Variants in DNAAF11 observed in about 807,000 individuals in gnomAD.
The protein encoded by DNAAF11 is leucine rich repeat containing 6.
In DNAAF11, 45 loss-of-function variants were observed where a neutral mutation model predicts 60.8. That is an observed-to-expected ratio of 0.74 (90% CI 0.58 to 0.95). The LOEUF is 0.95. Among genes scored for constraint, DNAAF11 ranks in the 40% least tolerant of loss-of-function variants. DNAAF11 has a pLI of 0.00. For missense variants in DNAAF11, 546 were observed against 546.2 expected (o/e 1.00, Z 0.00); for synonymous variants, 191 against 183.5 (o/e 1.04, Z -0.33).
chr8:132,611,802 C>T (rs947503495), intron 8 of DNAAF11, among the ~76,000 whole-genome samples: 1 of 152,128 alleles, frequency 6.6e-6, no homozygotes, highest in East Asian at 1.9e-4. Flanking sequence ...CTAATACTAT[C>T]TCTCCTGGAA....
chr8:132,652,341 C>T (rs1275715530), intron 3 of DNAAF11, among the ~76,000 whole-genome samples: 2 of 152,170 alleles, frequency 1.3e-5, no homozygotes, highest in African/African-American at 4.8e-5. Context: ...TGTAATCAGA[C>T]ACCAAATGTT....
intron 10 of DNAAF11, among the ~76,000 whole-genome samples, chr8:132,603,062 T>C (rs1817789805): frequency 6.6e-6 from 1 of 152,098 alleles, no homozygotes; most frequent in Non-Finnish European, 1.5e-5. Flanking sequence ...GCTCTGGACA[T>C]TAGTTGTTTT....
intron 5 of DNAAF11, among the ~76,000 whole-genome samples, chr8:132,627,685 C>T (rs752495907): frequency 6.6e-6 from 1 of 152,224 alleles, no homozygotes; most frequent in Non-Finnish European, 1.5e-5. Flanking sequence ...GGGACACCCT[C>T]TCGTTCTACT....
At chr8:132,669,940 C>CAAAAAAAAAAAAAAAAAAAAAA (rs35402875) in intron 1 of DNAAF11, among the ~76,000 whole-genome samples, 3 of 69,774 alleles carry the variant, frequency 4.3e-5, no homozygotes, top group African/African-American at 1.2e-4. Context: ...GACTCCGTCT[C>CAAAAAAAAAAAAAAAAAAAAAA]AAAAAAAAAA....
intron 4 of DNAAF11, among the ~76,000 whole-genome samples, chr8:132,633,977 C>T (rs1821050118): frequency 6.6e-6 from 1 of 151,936 alleles, no homozygotes; most frequent in Non-Finnish European, 1.5e-5. Flanking sequence ...TAAGGTGATA[C>T]ATTTGCATTG....
At chr8:132,699,610 C>T in the DNAAF11 span, among the ~76,000 whole-genome samples, 1 of 151,982 alleles carries the variant, frequency 6.6e-6, no homozygotes, top group African/African-American at 2.4e-5. Flanking sequence ...ATTTTCCTTA[C>T]CTGCCAAACT....
intron 10 of DNAAF11, among the ~76,000 whole-genome samples, chr8:132,598,225 G>A (rs764597057): frequency 2.6e-5 from 4 of 152,094 alleles, no homozygotes; most frequent in Non-Finnish European, 5.9e-5. Flanking sequence ...CTGGTATAAG[G>A]ATAAAAGCAA....
chr8:132,649,610 T>C (rs1202688656), intron 3 of DNAAF11, among the ~76,000 whole-genome samples: 2 of 152,138 alleles, frequency 1.3e-5, no homozygotes, highest in Admixed American at 1.3e-4. Flanking sequence ...ATTTTTACAA[T>C]CTACCCATCT....
chr8:132,588,473 T>C (rs983708127), intron 10 of DNAAF11, among the ~76,000 whole-genome samples: 1 of 152,328 alleles, frequency 6.6e-6, no homozygotes, highest in Admixed American at 6.5e-5. Context: ...TGAGCATCTG[T>C]TATATGCCAA....
intron 8 of DNAAF11, among the ~76,000 whole-genome samples, chr8:132,611,982 G>T (rs1470719056): frequency 1.3e-5 from 2 of 152,162 alleles, no homozygotes; most frequent in East Asian, 3.8e-4. Flanking sequence ...AAATAATTAT[G>T]TTCACATACT....
At chr8:132,690,440 C>G in the DNAAF11 span, among the ~76,000 whole-genome samples, 1 of 152,018 alleles carries the variant, frequency 6.6e-6, no homozygotes, top group Non-Finnish European at 1.5e-5. Context: ...TGAGGTCTCC[C>G]TACCCTTGCC....
At chr8:132,629,889 A>G (rs940649662) in intron 5 of DNAAF11, among the ~76,000 whole-genome samples, 6 of 152,222 alleles carry the variant, frequency 3.9e-5, no homozygotes, top group Non-Finnish European at 8.8e-5. Context: ...AATTACATCT[A>G]TTTTTAAAAT....
intron 1 of DNAAF11, among the ~76,000 whole-genome samples, chr8:132,674,181 A>C (rs78745913): frequency 2.9e-4 from 24 of 82,558 alleles, no homozygotes; most frequent in African/African-American, 1.2e-3. Flanking sequence ...GGAGGAGGAG[A>C]AGGAGGAGGA....
chr8:132,645,174 C>A (rs1444977404), intron 3 of DNAAF11, among the ~76,000 whole-genome samples: 2 of 152,152 alleles, frequency 1.3e-5, no homozygotes, highest in Non-Finnish European at 2.9e-5. Flanking sequence ...TGCTGTTCTG[C>A]AATATTTGCT....
chr8:132,696,410 T>A, the DNAAF11 span, among the ~76,000 whole-genome samples: 3 of 152,236 alleles, frequency 2.0e-5, no homozygotes, highest in Non-Finnish European at 2.9e-5. Flanking sequence ...AAGCACAAAT[T>A]GACCATATGA....
At chr8:132,580,369 A>G (rs1484022664) in intron 11 of DNAAF11, among the ~76,000 whole-genome samples, 1 of 152,220 alleles carries the variant, frequency 6.6e-6, no homozygotes, top group Non-Finnish European at 1.5e-5. Context: ...CAGAAAATCT[A>G]AAAGAACCCA....
chr8:132,648,911 A>G (rs374201989), intron 3 of DNAAF11, among the ~76,000 whole-genome samples: 3 of 152,246 alleles, frequency 2.0e-5, no homozygotes, highest in East Asian at 1.9e-4. Flanking sequence ...GGAAGAGTCG[A>G]TATCGTGAAA....
At chr8:132,591,268 A>G (rs1017244280) in intron 10 of DNAAF11, among the ~76,000 whole-genome samples, 1 of 152,010 alleles carries the variant, frequency 6.6e-6, no homozygotes, top group South Asian at 2.1e-4. Flanking sequence ...TTTAAATAGG[A>G]ATTTGGCAGG....
At chr8:132,697,863 G>A in the DNAAF11 span, among the ~76,000 whole-genome samples, 1 of 152,084 alleles carries the variant, frequency 6.6e-6, no homozygotes, top group Admixed American at 6.6e-5. Flanking sequence ...GGAGAAGAGG[G>A]GATAATCATC....
Sources: allele counts gnomAD v4.1 joint callset (sites outside exome capture counted in the v4.1 genomes callset), GRCh38; gene constraint gnomAD v4.1.1; transcripts MANE v1.5; gene names NCBI Gene and HGNC (gene_info 2026-07-23, HGNC 2026-07-21).